C20orf173: variants seen among roughly 807,000 people sequenced by gnomAD.
The protein encoded by C20orf173 is uncharacterized protein C20orf173.
A neutral mutation model predicts 26.7 loss-of-function variants in C20orf173; 22 were observed. That is an observed-to-expected ratio of 0.82 (90% CI 0.59 to 1.18). C20orf173 has a LOEUF of 1.18. C20orf173 is among the 50% of genes most tolerant of loss of function. C20orf173 has a pLI of 0.00. For synonymous variants in C20orf173, 85 were observed against 96.4 expected, an observed-to-expected ratio of 0.88 and a Z score of 0.69; for missense variants, 210 against 250.3, an observed-to-expected ratio of 0.84 and a Z score of 1.09.
chr20:35,523,659 G>A (rs941966782), downstream of C20orf173, among the ~76,000 whole-genome samples: 4 of 152,258 alleles, frequency 2.6e-5, no homozygotes, highest in African/African-American at 9.6e-5. Context: ...CAGAGGCCAC[G>A]TTGTGACCTA....
intron 2 of C20orf173, 36 bp downstream of exon 2, chr20:35,529,029 T>A: frequency 6.5e-7 from 1 of 1,540,892 alleles, no homozygotes; most frequent in South Asian, 1.2e-5. Flanking sequence ...CCGGAAAGCA[T>A]GGGGGATATG....
intron 3 of C20orf173, 56 bp downstream of exon 3, chr20:35,528,645 A>T (rs1601348733): frequency 1.2e-5 from 18 of 1,541,660 alleles, no homozygotes; most frequent in Middle Eastern, 1.7e-4. Context: ...GCAGAAACTG[A>T]TGGAACTGTG....
rs1252371827 is a variant in C20orf173 at position 35,528,788 on chromosome 20, C to A, written c.401G>T (p.Cys134Phe). 1 of 1,550,988 alleles carries A rather than the reference C, an allele frequency of 6.4e-7. No individual in the cohort carries two copies. The highest frequency in any genetic ancestry group is 2.4e-5 in the East Asian group (1 of 40,898). Residue 134 changes from cysteine to phenylalanine, a missense_variant, in exon 3 of 6, where the codon TGT becomes TTT. Coordinates refer to ENST00000444723, the MANE Select transcript of C20orf173 (RefSeq NM_001145350.2). ...GCGCCCCAACAGCACACAAGTCCCA[C>A]AATAGAAATCAAAATGGCTCACCGA... ...RLSVSHFDFY[C>F]GTCVLLGRPQ...
In C20orf173 at chr20:35,529,242, G is replaced by T. The variant is rs375185322; in HGVS notation, c.132C>A (p.Cys44Ter). 1.3e-6 allele frequency: 2 copies of T among 1,551,536 alleles called. No individual in the cohort carries two copies. Among genetic ancestry groups the T allele is most frequent in the African/African-American group, 1.4e-5 (1 of 73,044 alleles). The change falls in exon 2 of 6, where the codon TGC (cysteine) becomes TGA (stop). Residue 44 changes from cysteine (C) to a stop codon, truncating the protein, a stop_gained. Coordinates refer to ENST00000444723, the MANE Select transcript of C20orf173 (RefSeq NM_001145350.2). LOFTEE classifies it high-confidence loss of function. ...TCCCGGAACTGAACCAAGGGCAGTC[G>T]CAATGCTGTGGTACCAAGTACATTC... The part of the protein sequence containing the change: ...EKRMYLVPQH[C>*]DCPWFSSGKC...
In C20orf173 at chr20:35,529,626, T is replaced by A; in HGVS notation, c.-119A>T. 2 of 518,466 alleles carry A rather than the reference T, an allele frequency of 3.9e-6. No homozygotes were observed. Among genetic ancestry groups the A allele is most frequent in the Non-Finnish European group, 6.9e-6 (2 of 288,766 alleles). 32.1% of individuals were successfully genotyped at this position (518,466 alleles called of 1,614,324 possible). On this transcript the variant is annotated 5_prime_UTR_variant, in exon 1 of 6. Transcript: ENST00000444723. ...GGGCAGAGAGACAGCATGTGGCTAG[T>A]CCTGAGAGGGGAAGGAATACCTCAG...
In C20orf173 at chr20:35,529,617, T is replaced by C. The variant is rs1265933305; in HGVS notation, c.-110A>G. The C allele has an allele frequency of 9.2e-6, 5 of 542,656 alleles. No individual in the cohort carries two copies. Among genetic ancestry groups the C allele is most frequent in the African/African-American group, 1.9e-5 (1 of 52,970 alleles). 33.6% of individuals were successfully genotyped at this position (542,656 alleles called of 1,614,324 possible). On this transcript the variant is annotated 5_prime_UTR_variant, in exon 1 of 6. It removes an upstream start codon present in the reference 5' UTR. Transcript: ENST00000444723. ...AAGAGGCCAGGGCAGAGAGACAGCA[T>C]GTGGCTAGTCCTGAGAGGGGAAGGA... is the stretch of plus-strand genomic sequence containing the variant.
At chr20:35,525,193 G>A (rs898453400), downstream of C20orf173, among the ~76,000 whole-genome samples, 2 of 151,984 alleles carry the variant, frequency 1.3e-5, no homozygotes, top group East Asian at 3.9e-4. Context: ...CAGATACAAT[G>A]AAATTAAAAT....
rs899792379 is a variant in C20orf173 at position 35,528,271 on chromosome 20, C to T, written c.596G>A (p.Gly199Asp). ...DALSDKILED[G>D]LVP ...TCTTCCACTCCACTAGGGAACCAGACCATCTTCCAAAATCTGAGAAAGAAT... is the reference window on the plus strand; with the variant it reads ...TCTTCCACTCCACTAGGGAACCAGATCATCTTCCAAAATCTGAGAAAGAAT... Residue 199 changes from glycine (G) to aspartate (D), a missense_variant, in exon 5 of 6, where the codon GGT becomes GAT. Transcript: ENST00000444723. The T allele has an allele frequency of 1.3e-6, 2 of 1,552,106 alleles. No individual in the cohort carries two copies. The highest frequency in any genetic ancestry group is 8.7e-7 in the Non-Finnish European group (1 of 1,147,106).
At chr20:35,522,393 A>C (rs1305926640), downstream of C20orf173, 2 of 152,272 alleles carry the variant, frequency 1.3e-5, no homozygotes, top group Non-Finnish European at 2.9e-5. Flanking sequence ...TGACATACCC[A>C]GGGTTTTTTT....
At chr20:35,525,608 G>A (rs1213415175), downstream of C20orf173, among the ~76,000 whole-genome samples, 1 of 152,188 alleles carries the variant, frequency 6.6e-6, no homozygotes, top group East Asian at 1.9e-4. Context: ...TATGCCATGT[G>A]AAGTTGGAGG....
rs910125878 is a variant in C20orf173 at position 35,529,118 on chromosome 20, A to G, written c.256T>C (p.Tyr86His). 5 of 1,551,478 alleles carry G rather than the reference A, an allele frequency of 3.2e-6. No individual in the cohort carries two copies. The African/African-American group carries it at 5.5e-5, about 17-fold the overall frequency. ...ATAGACTCTCTTGTCCTCATCAGGT[A>G]CCCCATAGTCTTCCTGGAGCACGCA... is the stretch of plus-strand genomic sequence containing the variant. Reference protein sequence around the residue: ...LDACSRKTMGYLMRTRESMTS... With the variant: ...LDACSRKTMGHLMRTRESMTS... The change falls in exon 2 of 6, where the codon TAC (tyrosine) becomes CAC (histidine). Residue 86 changes from tyrosine to histidine, a missense_variant. Transcript: ENST00000444723.
chr20:35,528,692 A>G lies in C20orf173; in HGVS notation c.488+9T>C. 1 of 1,528,866 alleles carries G rather than the reference A, an allele frequency of 6.5e-7. No individual in the cohort carries two copies. Among genetic ancestry groups the G allele is most frequent in the Non-Finnish European group, 8.8e-7 (1 of 1,135,150 alleles). 94.7% of individuals were successfully genotyped at this position (1,528,866 alleles called of 1,614,324 possible). On this transcript the variant is annotated intron_variant, in intron 3 of 5. Coordinates refer to ENST00000444723, the MANE Select transcript of C20orf173 (RefSeq NM_001145350.2). ...GCCTTCCTGCTCCCGCCCTCTCCCC[A>G]GCACCCACCTGAAAACCACGGGGTA...
At chr20:35,524,179 G>A (rs560558871), downstream of C20orf173, among the ~76,000 whole-genome samples, 8 of 151,974 alleles carry the variant, frequency 5.3e-5, no homozygotes, top group Non-Finnish European at 7.4e-5. Context: ...CACTGTGCCC[G>A]GCTAATTTTT....
At chr20:35,528,979 AG>A in intron 2 of C20orf173, 85 bp downstream of exon 2, 1 of 1,536,890 alleles carries the variant, frequency 6.5e-7, no homozygotes, top group Non-Finnish European at 8.8e-7. Context: ...GACAGGGCCA[AG>A]GGCAGGGATT....
At chr20:35,528,379 C>T (rs2064519988) in intron 4 of C20orf173, 72 bp downstream of exon 4, 1 of 1,546,296 alleles carries the variant, frequency 6.5e-7, no homozygotes, top group Admixed American at 2.0e-5. Context: ...CTTCCCAGAG[C>T]CCCTGCTGTT....
chr20:35,524,388 T>C (rs1457227962), downstream of C20orf173, among the ~76,000 whole-genome samples: 1 of 152,202 alleles, frequency 6.6e-6, no homozygotes, highest in Non-Finnish European at 1.5e-5. Context: ...ATACATGATT[T>C]ATAAATTTCA....
chr20:35,528,396 T>C, intron 4 of C20orf173, 55 bp downstream of exon 4: 2 of 1,545,506 alleles, frequency 1.3e-6, no homozygotes, highest in Non-Finnish European at 1.8e-6. Context: ...TGTTACTCCC[T>C]GCAGTGACCT....
chr20:35,526,179 T>G (rs190163832), downstream of C20orf173, among the ~76,000 whole-genome samples: 34 of 152,304 alleles, frequency 2.2e-4, no homozygotes, highest in Middle Eastern at 6.8e-3. Flanking sequence ...ATGCCACCAC[T>G]GCTGCCAACA....
At chr20:35,524,405 T>G (rs565844692), downstream of C20orf173, among the ~76,000 whole-genome samples, 1 of 152,222 alleles carries the variant, frequency 6.6e-6, no homozygotes, top group South Asian at 2.1e-4. Flanking sequence ...TTCATAAAAT[T>G]TTACAGTCAA....
Sources: gnomAD v4.1 joint callset for allele counts (sites outside exome capture counted in the v4.1 genomes callset) on GRCh38, gnomAD v4.1.1 for gene constraint, MANE v1.5 for transcripts, NCBI Gene and HGNC (gene_info 2026-07-23, HGNC 2026-07-21) for gene names.